Variants in ATAD2B observed in about 807,000 individuals in gnomAD.
The protein encoded by ATAD2B is ATPase family AAA domain-containing protein 2B.
A neutral mutation model predicts 167.6 loss-of-function variants in ATAD2B; 40 were observed. The ratio of observed to expected loss-of-function variants is 0.24; its 90% confidence interval spans 0.19 to 0.31. ATAD2B has a LOEUF of 0.31. Ranked by LOEUF, ATAD2B falls within the 10% of genes least tolerant of loss-of-function variation. The probability of loss-of-function intolerance (pLI) is 1.00; values close to 1 mark genes in which losing one functional copy is unlikely to be tolerated. For synonymous variants in ATAD2B, 579 were observed against 596.5 expected (o/e 0.97, Z 0.43); for missense variants, 1,242 against 1,757.2 (o/e 0.71, Z 5.24).
intron 22 of ATAD2B, among the ~76,000 whole-genome samples, chr2:23,769,277 A>G (rs1281853546): frequency 6.6e-6 from 1 of 152,056 alleles, no homozygotes; most frequent in East Asian, 1.9e-4. Flanking sequence ...CATCTCTAAT[A>G]AAAACACAAA....
At position 23,884,883 on chromosome 2, in the gene ATAD2B, A is replaced by G. The variant is rs1405579253; in HGVS notation, c.676-10T>C. On this transcript the variant is annotated splice_polypyrimidine_tract_variant and intron_variant, in intron 5 of 27. Coordinates refer to ENST00000238789, the MANE Select transcript of ATAD2B (RefSeq NM_017552.4). ...ACATATCCATGTTTTCCTTTTAAAG[A>G]AAGAAATCTGTCAAATAGCAACATG... The G allele has an allele frequency of 2.0e-6, 3 of 1,502,660 alleles. No individual in the cohort carries two copies. The African/African-American group carries it at 4.2e-5, about 21-fold the overall frequency. The allele number at this position is 1,502,660 out of a possible 1,614,324, so 93.1% of individuals were successfully genotyped here. A position where few individuals can be genotyped will look rare whatever the true frequency, so the allele number is the denominator to read the frequency against.
intron 13 of ATAD2B, among the ~76,000 whole-genome samples, 189 bp from the exon 14 acceptor site, chr2:23,834,267 T>C (rs981895351): frequency 7.3e-6 from 1 of 136,770 alleles, no homozygotes; most frequent in African/African-American, 2.7e-5. Flanking sequence ...GTTCAAGCAA[T>C]TCTCCTGCCT....
chr2:23,776,205 TC>T (rs1679101181), intron 22 of ATAD2B, among the ~76,000 whole-genome samples: 1 of 152,204 alleles, frequency 6.6e-6, no homozygotes, highest in Non-Finnish European at 1.5e-5. Flanking sequence ...GAATTTGACA[TC>T]CTGCCCATAA....
chr2:23,684,751 G>A, the ATAD2B span, among the ~76,000 whole-genome samples: 1 of 144,636 alleles, frequency 6.9e-6, no homozygotes, highest in African/African-American at 2.7e-5. The surrounding 1 kb of genome is among the most constrained non-coding windows in gnomAD (Gnocchi z 4.4). Context: ...CCCACCCACA[G>A]CTTTGCTGTC....
chr2:23,684,207 C>A, the ATAD2B span, among the ~76,000 whole-genome samples: 1 of 152,070 alleles, frequency 6.6e-6, no homozygotes, highest in Non-Finnish European at 1.5e-5. This position sits in a 1 kb window ranked among gnomAD's most constrained non-coding sequence, Gnocchi z 4.4. Flanking sequence ...TAGCCCCTCC[C>A]AGTGGCTGCT....
At position 23,899,428 on chromosome 2, in the gene ATAD2B, T is replaced by C. The variant is rs374496135; in HGVS notation, c.217-3458A>G. On this transcript the variant is annotated intron_variant, in intron 1 of 27. Coordinates refer to ENST00000238789, the MANE Select transcript of ATAD2B (RefSeq NM_017552.4). ...GGTGTATTAGTTTTATAATACACCA[T>C]CACTTATTAGGTTAAGTTCCCAAGA... is the stretch of plus-strand genomic sequence containing the variant. Among the ~76,000 whole-genome samples the C allele has an allele frequency of 3.3e-5, 5 of 151,946 alleles. No homozygotes were observed. In the South Asian group the frequency reaches 1.0e-3, roughly 32 times the overall value.
At chr2:23,870,336 G>T (rs1246689527) in intron 8 of ATAD2B, among the ~76,000 whole-genome samples, 1 of 141,396 alleles carries the variant, frequency 7.1e-6, no homozygotes, top group African/African-American at 2.6e-5. Flanking sequence ...ACCCAGGCTG[G>T]AGTGCGGTGG....
At chr2:23,795,063 T>TA (rs1682389430) in intron 19 of ATAD2B, among the ~76,000 whole-genome samples, 1 of 152,184 alleles carries the variant, frequency 6.6e-6, no homozygotes, top group Non-Finnish European at 1.5e-5. Context: ...ATTTTAAAAA[T>TA]AGAGCAGGAA....
intron 13 of ATAD2B, among the ~76,000 whole-genome samples, chr2:23,842,223 T>C (rs1691028173): frequency 6.6e-6 from 1 of 152,174 alleles, no homozygotes; most frequent in African/African-American, 2.4e-5. Flanking sequence ...GATTGACTTT[T>C]AAAAATTATT....
chr2:23,748,927 T>C lies in ATAD2B; in HGVS notation c.*3119A>G, dbSNP rs747603713. On this transcript the variant is annotated 3_prime_UTR_variant, in exon 28 of 28. Coordinates refer to ENST00000238789, the MANE Select transcript of ATAD2B (RefSeq NM_017552.4). ...GACTCCCAAAGTCTAAGTAACCAGA[T>C]GTACAGAATACAAAAGATGCAGGTA... The C allele has an allele frequency of 6.6e-6, 1 of 152,046 alleles. No homozygotes were observed. Among genetic ancestry groups the C allele is most frequent in the African/African-American group, 2.4e-5 (1 of 41,400 alleles). The allele number at this position is 152,046 out of a possible 1,614,324, so 9.4% of individuals were successfully genotyped here. A position where few individuals can be genotyped will look rare whatever the true frequency, so the allele number is the denominator to read the frequency against.
chr2:23,843,369 A>C lies in ATAD2B; in HGVS notation c.1569-9291T>G, dbSNP rs143013163. On this transcript the variant is annotated intron_variant, in intron 13 of 27. Coordinates refer to ENST00000238789, the MANE Select transcript of ATAD2B (RefSeq NM_017552.4). ...ACAAAATCAGAATAAACACAAAGAAAGCCACACAGAGGCATGTCATGGCTA... is the reference window on the plus strand; with the variant it reads ...ACAAAATCAGAATAAACACAAAGAACGCCACACAGAGGCATGTCATGGCTA... Among the ~76,000 whole-genome samples, 222 of 152,366 alleles carry C rather than the reference A, an allele frequency of 1.5e-3. 2 individuals are homozygous for C. Among genetic ancestry groups the C allele is most frequent in the African/African-American group, 4.7e-3 (196 of 41,596 alleles).
intron 12 of ATAD2B, among the ~76,000 whole-genome samples, chr2:23,861,135 T>C (rs188732090): frequency 1.3e-5 from 2 of 150,316 alleles, no homozygotes; most frequent in East Asian, 1.9e-4. Context: ...ACAACTGTTG[T>C]TGTTGTTTTT....
Position 23,779,851 on chromosome 2 carries a change from A to G in ATAD2B, c.3133+3018T>C, listed in dbSNP as rs187162746. ...TGCATGTATATATTCTACATACAGT[A>G]TATCCGTGGATGGGGACGGAAACAG... On this transcript the variant is annotated intron_variant, in intron 22 of 27. Transcript: ENST00000238789. 1.4e-3 allele frequency among the ~76,000 whole-genome samples: 213 copies of G among 152,340 alleles called. 1 individual carries two copies. The highest frequency in any genetic ancestry group is 4.9e-3 in the African/African-American group (204 of 41,574).
intron 1 of ATAD2B, among the ~76,000 whole-genome samples, chr2:23,910,271 C>T (rs1308134133): frequency 1.3e-5 from 2 of 150,904 alleles, no homozygotes; most frequent in Non-Finnish European, 2.9e-5. Flanking sequence ...CTCCACCTCC[C>T]GGGTTCAAGT....
chr2:23,699,807 G>A, the ATAD2B span, among the ~76,000 whole-genome samples: 4 of 152,160 alleles, frequency 2.6e-5, no homozygotes, highest in Non-Finnish European at 5.9e-5. Context: ...CACACTGCAA[G>A]GCAGCCTTTC....
At chr2:23,884,130 A>G (rs1292682662) in intron 6 of ATAD2B, among the ~76,000 whole-genome samples, 2 of 152,006 alleles carry the variant, frequency 1.3e-5, no homozygotes, top group African/African-American at 2.4e-5. Flanking sequence ...GGCAACAAGA[A>G]CAAGACTCTG....
chr2:23,925,752 T>C (rs1704669193), intron 1 of ATAD2B, among the ~76,000 whole-genome samples: 1 of 152,276 alleles, frequency 6.6e-6, no homozygotes, highest in Admixed American at 6.5e-5. Context: ...TGCAACTGCA[T>C]GACTATGGTG....
chr2:23,854,251 A>C (rs1040660912), intron 13 of ATAD2B, among the ~76,000 whole-genome samples: 1 of 152,114 alleles, frequency 6.6e-6, no homozygotes, highest in Non-Finnish European at 1.5e-5. Context: ...TCTCAAAGAA[A>C]AAAAAAGAAT....
In ATAD2B at chr2:23,749,586, G is replaced by A. The variant is rs1675138457; in HGVS notation, c.*2460C>T. 1 of 151,984 alleles carries A rather than the reference G, an allele frequency of 6.6e-6. No homozygotes were observed. Among genetic ancestry groups the A allele is most frequent in the South Asian group, 2.1e-4 (1 of 4,822 alleles). The allele number at this position is 151,984 out of a possible 1,614,324, so 9.4% of individuals were successfully genotyped here. ...TTAATTGAGGGAAGGAGGGCCAGAG[G>A]AGTTGGTACAATTTCAGCTCATTGT... On this transcript the variant is annotated 3_prime_UTR_variant, in exon 28 of 28. Coordinates refer to ENST00000238789, the MANE Select transcript of ATAD2B (RefSeq NM_017552.4).
Sources: gnomAD v4.1 joint callset for allele counts (sites outside exome capture counted in the v4.1 genomes callset) on GRCh38, gnomAD v4.1.1 for gene constraint, Gnocchi (gnomAD v3.1) non-coding constraint, MANE v1.5 for transcripts, NCBI Gene and HGNC (gene_info 2026-07-23, HGNC 2026-07-21) for gene names.